Variants in MYH4 observed in about 807,000 individuals in gnomAD.
MYH4 encodes myosin heavy chain 4, also known as myosin-4.
MYH4 carries 200 observed loss-of-function variants against 229.9 expected under a neutral mutation model. That is an observed-to-expected ratio of 0.87 (90% CI 0.78 to 0.98). The LOEUF (loss-of-function observed/expected upper bound fraction) is 0.98. MYH4 is among the 50% of genes least tolerant of loss of function. MYH4 has a pLI of 0.00. For synonymous variants in MYH4, 761 were observed against 834.6 expected (o/e 0.91, Z 1.52); for missense variants, 2,148 against 2,332.6 (o/e 0.92, Z 1.63).
rs2072480422 is a variant in MYH4, at chr17:10,443,632, C to T, written c.5668-105G>A. 7.8e-7 allele frequency: 1 copy of T among 1,275,996 alleles called. No homozygotes were observed. The highest frequency in any genetic ancestry group is 1.1e-6 in the Non-Finnish European group (1 of 923,336). 79.0% of individuals were successfully genotyped at this position (1,275,996 alleles called of 1,614,324 possible). On this transcript the variant is annotated intron_variant, in intron 39 of 39. Transcript: ENST00000255381. This position sits in a 1 kb window ranked among gnomAD's most constrained non-coding sequence, Gnocchi z 4.6. ...GCCTCATGAATGAGAAAGAAAAAGG[C>T]TCCGTTGTCCAGGCATGGTGGCTCA...
In MYH4 at chr17:10,448,534, G is replaced by C. The variant is rs766922253; in HGVS notation, c.4532-14C>G. ...CAGAAATCTCCTCTGTAATAATAAA[G>C]TACCAAATTTCAGTTAAGTAGAAAG... On this transcript the variant is annotated splice_polypyrimidine_tract_variant and intron_variant, in intron 32 of 39. Coordinates refer to ENST00000255381, the MANE Select transcript of MYH4 (RefSeq NM_017533.2). 4 of 1,611,140 alleles carry C rather than the reference G, an allele frequency of 2.5e-6. No homozygotes were observed. The highest frequency in any genetic ancestry group is 3.4e-6 in the Non-Finnish European group (4 of 1,179,204).
At chr17:10,455,790 G>T (rs2142221311) in intron 18 of MYH4, 24 bp downstream of exon 18, 1 of 1,614,196 alleles carries the variant, frequency 6.2e-7, no homozygotes, top group East Asian at 2.2e-5. Flanking sequence ...ACTGGAGCTT[G>T]TCTGGATATC....
In MYH4 at chr17:10,453,314, T is replaced by G. The variant is rs903841349; in HGVS notation, c.2949A>C (p.Thr983=). 4 of 1,613,918 alleles carry G rather than the reference T, an allele frequency of 2.5e-6. No homozygotes were observed. In the African/African-American group the frequency reaches 5.3e-5, roughly 22 times the overall value. ...TTTCATCCAGACCTGCCATCTCTTC[T>G]GTGAGGTTTTTCACCTTTAGATTAG... ...HATENKVKNL[T]EEMAGLDETI... The change falls in exon 24 of 40, where the codon ACA becomes ACC. Residue 983 remains threonine, a synonymous_variant. Transcript: ENST00000255381.
chr17:10,457,828 A>T (rs1465478939), intron 15 of MYH4, 99 bp from the exon 16 acceptor site: 4 of 1,418,562 alleles, frequency 2.8e-6, no homozygotes, highest in Admixed American at 2.4e-5. Context: ...TCAAAAGAAG[A>T]CTTTGAATGA....
intron 34 of MYH4, among the ~76,000 whole-genome samples, chr17:10,447,604 C>T (rs1048340868): frequency 1.3e-5 from 2 of 152,218 alleles, no homozygotes; most frequent in Non-Finnish European, 2.9e-5. Context: ...CTACCCCTCA[C>T]CACAGTGCTT....
chr17:10,453,154 C>T lies in MYH4; in HGVS notation c.3109G>A (p.Asp1037Asn), dbSNP rs143090408. 1.5e-5 allele frequency: 24 copies of T among 1,613,938 alleles called. No homozygotes were observed. Among genetic ancestry groups the T allele is most frequent in the Middle Eastern group, 1.6e-4 (1 of 6,084 alleles). Residue 1037 changes from aspartate to asparagine, a missense_variant and splice_region_variant, in exon 24 of 40, where the codon GAT becomes AAT. Coordinates refer to ENST00000255381, the MANE Select transcript of MYH4 (RefSeq NM_017533.2). ...AACATTTTCTTTTTCACACTTACATCGTCCACTTGCTGTTCTAGCTTGGTT... is the reference window on the plus strand; with the variant it reads ...AACATTTTCTTTTTCACACTTACATTGTCCACTTGCTGTTCTAGCTTGGTT... ...AKTKLEQQVD[D>N]LEGSLEQEKK...
rs1315055201 is a variant in MYH4 at position 10,450,760 on chromosome 17, A to T, written c.3984+17T>A. ...CACGGTTCAAGTGATTGAAAGTATC[A>T]GCTGGAGAATTCTCACCTTAGTCTC... On this transcript the variant is annotated intron_variant, in intron 29 of 39. Transcript: ENST00000255381. The T allele has an allele frequency of 6.2e-7, 1 of 1,610,820 alleles. No individual in the cohort carries two copies. The highest frequency in any genetic ancestry group is 2.2e-5 in the East Asian group (1 of 44,876).
At position 10,460,263 on chromosome 17, in the gene MYH4, G is replaced by C; in HGVS notation, c.1206C>G (p.Leu402=). The change falls in exon 13 of 40, where the codon CTC becomes CTG. Residue 402 remains leucine, a synonymous_variant. Coordinates refer to ENST00000255381, the MANE Select transcript of MYH4 (RefSeq NM_017533.2). The part of the protein sequence containing the change: ...SLNSADLLKS[L]CYPRVKVGNE... ...TGCCGACCTTGACTCTGGGATAGCA[G>C]AGAGATTTGAGCAGGTCAGCAGAGT... 1.2e-6 allele frequency: 2 copies of C among 1,614,102 alleles called. No homozygotes were observed. Among genetic ancestry groups the C allele is most frequent in the Non-Finnish European group, 1.7e-6 (2 of 1,179,962 alleles).
rs1435235029 is a variant in MYH4, at chr17:10,454,664, T to A, written c.2582A>T (p.Glu861Val). The A allele has an allele frequency of 6.2e-7, 1 of 1,614,118 alleles. No homozygotes were observed. The highest frequency in any genetic ancestry group is 8.5e-7 in the Non-Finnish European group (1 of 1,180,048). Residue 861 changes from glutamate to valine, a missense_variant, in exon 22 of 40, where the codon GAG (glutamate) becomes GTG (valine). Coordinates refer to ENST00000255381, the MANE Select transcript of MYH4 (RefSeq NM_017533.2). ...KEMANMKEEF[E>V]KTKEELAKTE... ...CTTAGCCAGCTCTTCTTTGGTTTTCTCAAATTCTTCCTTCATGTTGGCCAT... is the reference window on the plus strand; with the variant it reads ...CTTAGCCAGCTCTTCTTTGGTTTTCACAAATTCTTCCTTCATGTTGGCCAT...
chr17:10,450,908 A>G lies in MYH4; in HGVS notation c.3866-13T>C. On this transcript the variant is annotated splice_polypyrimidine_tract_variant and intron_variant, in intron 28 of 39. Transcript: ENST00000255381. ...CGTGAAAACTCACCTGTGGAAGACA[A>G]AACATCAATGATTTAGTTCTGTTGT... 6.3e-7 allele frequency: 1 copy of G among 1,576,088 alleles called. No individual in the cohort carries two copies. The highest frequency in any genetic ancestry group is 8.7e-7 in the Non-Finnish European group (1 of 1,145,794).
chr17:10,444,826 T>C lies in MYH4; in HGVS notation c.5540A>G (p.His1847Arg), dbSNP rs1360954782. The change falls in exon 38 of 40, where the codon CAT (histidine) becomes CGT (arginine). Residue 1847 changes from histidine to arginine, a missense_variant. By Grantham distance (29) the His-to-Arg change is conservative. Coordinates refer to ENST00000255381, the MANE Select transcript of MYH4 (RefSeq NM_017533.2). ...NVEAVKGLRK[H>R]ERRVKELTYQ... Reference sequence around the variant, plus strand: ...AGTGAGTTCCTTCACTCTTCTCTCATGTTTGCGAAGACCCTTGACAGCCTC... The same window carrying C: ...AGTGAGTTCCTTCACTCTTCTCTCACGTTTGCGAAGACCCTTGACAGCCTC... 1 of 1,614,018 alleles carries C rather than the reference T, an allele frequency of 6.2e-7. No individual in the cohort carries two copies. The highest frequency in any genetic ancestry group is 1.3e-5 in the African/African-American group (1 of 74,922).
chr17:10,459,397 T>C lies in MYH4; in HGVS notation c.1441A>G (p.Ile481Val), dbSNP rs939389767. The C allele has an allele frequency of 6.2e-7, 1 of 1,614,084 alleles. No individual in the cohort carries two copies. Among genetic ancestry groups the C allele is most frequent in the African/African-American group, 1.3e-5 (1 of 74,940 alleles). ...FDFNSLEQLC[I>V]NFTNEKLQQF... The stretch of plus-strand genomic sequence containing the variant: ...TGCAGTTTCTCGTTGGTGAAGTTGA[T>C]GCACAGCTGCTCCAGGCTGTTGAAC... The change falls in exon 15 of 40, where the codon ATC becomes GTC. Residue 481 changes from isoleucine (I) to valine (V), a missense_variant. Physicochemically the swap from Ile to Val is conservative, Grantham distance 29. Coordinates refer to ENST00000255381, the MANE Select transcript of MYH4 (RefSeq NM_017533.2).
Position 10,448,098 on chromosome 17 carries a change from A to G in MYH4, c.4685T>C (p.Ile1562Thr). 2 of 1,613,682 alleles carry G rather than the reference A, an allele frequency of 1.2e-6. No homozygotes were observed. The highest frequency in any genetic ancestry group is 1.1e-5 in the South Asian group (1 of 91,048). ...EASLEHEEGK[I>T]LRIQLELNQV... Reference sequence around the variant, plus strand: ...ATTTAGCTCAAGTTGAATGCGAAGAATTTTGCCTTCTTCATGCTCAAGAGA... The same window carrying G: ...ATTTAGCTCAAGTTGAATGCGAAGAGTTTTGCCTTCTTCATGCTCAAGAGA... Residue 1562 changes from isoleucine to threonine, a missense_variant, in exon 34 of 40, where the codon ATT becomes ACT. Physicochemically the swap from Ile to Thr is moderately conservative, Grantham distance 89. Coordinates refer to ENST00000255381, the MANE Select transcript of MYH4 (RefSeq NM_017533.2).
At chr17:10,454,520 T>A in intron 22 of MYH4, 35 bp downstream of exon 22, 2 of 1,595,512 alleles carry the variant, frequency 1.3e-6, no homozygotes, top group Non-Finnish European at 1.7e-6. Context: ...TTAAAAGTAA[T>A]AAGATGTGGC....
intron 5 of MYH4, 62 bp from the exon 6 acceptor site, chr17:10,464,770 G>A: frequency 6.6e-7 from 1 of 1,517,672 alleles, no homozygotes; most frequent in Non-Finnish European, 9.0e-7. Flanking sequence ...GGTCAACGCA[G>A]TACTTATAAA....
chr17:10,461,151 T>G, intron 11 of MYH4, 97 bp from the exon 12 acceptor site: 11 of 1,388,678 alleles, frequency 7.9e-6, no homozygotes, highest in Non-Finnish European at 1.1e-5. Context: ...CATCACGCCT[T>G]GCCTTATATT....
rs944257880 is a variant in MYH4, at chr17:10,463,733, A to G, written c.649-90T>C. 6 of 980,354 alleles carry G rather than the reference A, an allele frequency of 6.1e-6. No homozygotes were observed. In the African/African-American group the frequency reaches 9.9e-5, roughly 16 times the overall value. The allele number at this position is 980,354 out of a possible 1,614,324, so 60.7% of individuals were successfully genotyped here. A position where few individuals can be genotyped will look rare whatever the true frequency, so the allele number is the denominator to read the frequency against. ...TTTCCCTTCCCCATTGCCCCTGCAC[A>G]GTATTCTGTAACTTTGGGAAAGGCT... On this transcript the variant is annotated intron_variant, in intron 7 of 39. Coordinates refer to ENST00000255381, the MANE Select transcript of MYH4 (RefSeq NM_017533.2).
Position 10,460,319 on chromosome 17 carries a change from C to T in MYH4, c.1150G>A (p.Ala384Thr), listed in dbSNP as rs1242771295. Reference protein sequence around the residue: ...EQAEPDGTEVADKAAYLTSLN... With the variant: ...EQAEPDGTEVTDKAAYLTSLN... The stretch of plus-strand genomic sequence containing the variant: ...CTTGTCAGATAAGCAGCTTTGTCAG[C>T]AACTGTGTGAACAAGGTGAGAATGG... Residue 384 changes from alanine to threonine, a missense_variant and splice_region_variant, in exon 13 of 40, where the codon GCT becomes ACT. Ala to Thr is a moderately conservative substitution (Grantham distance 58). Transcript: ENST00000255381. 1.4e-5 allele frequency: 22 copies of T among 1,597,722 alleles called. No individual in the cohort carries two copies. The highest frequency in any genetic ancestry group is 1.9e-5 in the Non-Finnish European group (22 of 1,166,608).
At position 10,466,604 on chromosome 17, in the gene MYH4, C is replaced by G. The variant is rs781161200; in HGVS notation, c.142G>C (p.Val48Leu). 2 of 1,614,050 alleles carry G rather than the reference C, an allele frequency of 1.2e-6. No individual in the cohort carries two copies. Among genetic ancestry groups the G allele is most frequent in the South Asian group, 1.1e-5 (1 of 91,078 alleles). Residue 48 changes from valine to leucine, a missense_variant, in exon 3 of 40, where the codon GTG becomes CTG. Coordinates refer to ENST00000255381, the MANE Select transcript of MYH4 (RefSeq NM_017533.2). ...VFVVDPKESY[V>L]KAIVQSREGG... ...TCCCTGCTCTGCACTATTGCTTTCACGTAGGACTCCTTAGGGTCCACCACA... is the reference window on the plus strand; with the variant it reads ...TCCCTGCTCTGCACTATTGCTTTCAGGTAGGACTCCTTAGGGTCCACCACA...
Sources: allele counts gnomAD v4.1 joint callset (sites outside exome capture counted in the v4.1 genomes callset), GRCh38; gene constraint gnomAD v4.1.1; non-coding constraint Gnocchi (gnomAD v3.1); transcripts MANE v1.5; gene names NCBI Gene and HGNC (gene_info 2026-07-23, HGNC 2026-07-21).